Variants in NAA35 observed in about 807,000 individuals in gnomAD.
NAA35 encodes the protein MAK10 homolog, amino-acid N-acetyltransferase subunit.
Under a neutral mutation model 101.7 loss-of-function variants are expected in NAA35, and 18 were observed. The observed-to-expected ratio is 0.18, with a 90% CI of 0.12 to 0.26. The LOEUF is 0.26. NAA35 is among the 10% of genes least tolerant of loss of function. The pLI is 1.00. For synonymous variants in NAA35, 267 were observed against 273.1 expected, an observed-to-expected ratio of 0.98 and a Z score of 0.22; for missense variants, 601 against 886.8, an observed-to-expected ratio of 0.68 and a Z score of 4.09.
chr9:85,984,018 T>C (rs1022878242), intron 11 of NAA35, among the ~76,000 whole-genome samples: 19 of 101,916 alleles, frequency 1.9e-4, no homozygotes, highest in South Asian at 1.7e-3. Context: ...GATCAGAAAA[T>C]AGAAGCAAAA....
Position 85,978,316 on chromosome 9 carries a change from T to C in NAA35, c.812T>C (p.Leu271Pro). The C allele has an allele frequency of 6.2e-7, 1 of 1,613,504 alleles. No homozygotes were observed. Among genetic ancestry groups the C allele is most frequent in the Non-Finnish European group, 8.5e-7 (1 of 1,179,552 alleles). Reference sequence around the variant, plus strand: ...AAATTGATGGTTCAAGCAGCAGATCTTCTTTCTGCCATTCATAATTCATTG... The same window carrying C: ...AAATTGATGGTTCAAGCAGCAGATCCTCTTTCTGCCATTCATAATTCATTG... Reference protein sequence around the residue: ...AQKLMVQAADLLSAIHNSLHH... With the variant: ...AQKLMVQAADPLSAIHNSLHH... The change falls in exon 11 of 23, where the codon CTT (leucine) becomes CCT (proline). Residue 271 changes from leucine (L) to proline (P), a missense_variant. Leu to Pro is a moderately conservative substitution (Grantham distance 98, BLOSUM62 -3). Coordinates refer to ENST00000361671, the MANE Select transcript of NAA35 (RefSeq NM_024635.4).
chr9:85,957,572 C>T (rs980504996), intron 3 of NAA35, among the ~76,000 whole-genome samples: 4 of 152,108 alleles, frequency 2.6e-5, no homozygotes, highest in East Asian at 1.9e-4. Context: ...CCAACACTGC[C>T]GCATTGGGGA....
chr9:85,973,964 A>G (rs566652033), intron 6 of NAA35, among the ~76,000 whole-genome samples: 1 of 146,918 alleles, frequency 6.8e-6, no homozygotes, highest in Non-Finnish European at 1.5e-5. Context: ...TTCTATCTAC[A>G]TTTTTTTTTT....
At chr9:85,946,688 T>C (rs940383660) in intron 2 of NAA35, among the ~76,000 whole-genome samples, 1 of 151,990 alleles carries the variant, frequency 6.6e-6, no homozygotes, top group Non-Finnish European at 1.5e-5. Context: ...TTTGCGATTT[T>C]TTTTTTTTAA....
At chr9:85,941,615 G>A (rs1462780545) in intron 1 of NAA35, 1 of 985,828 alleles carries the variant, frequency 1.0e-6, no homozygotes, top group African/African-American at 1.7e-5. Context: ...GGTGTGCCTC[G>A]GCCCTAGGCC....
At chr9:85,985,189 G>A (rs1446177331) in intron 11 of NAA35, among the ~76,000 whole-genome samples, 2 of 152,170 alleles carry the variant, frequency 1.3e-5, no homozygotes, top group Non-Finnish European at 2.9e-5. Context: ...CCCTAATACA[G>A]TACTGATTGG....
rs968640776 is a variant in NAA35, at chr9:86,016,756, T to C, written c.1705+81T>C. On this transcript the variant is annotated intron_variant, in intron 18 of 22. Coordinates refer to ENST00000361671, the MANE Select transcript of NAA35 (RefSeq NM_024635.4). Reference sequence around the variant, plus strand: ...AAATAGATGGAGAGCTACTCGTGAGTTGGTCATTATATTTTAGTTCTTGTT... The same window carrying C: ...AAATAGATGGAGAGCTACTCGTGAGCTGGTCATTATATTTTAGTTCTTGTT... 2.1e-5 allele frequency: 30 copies of C among 1,415,770 alleles called. No homozygotes were observed. In the Admixed American group the frequency reaches 5.3e-4, roughly 25 times the overall value. 87.7% of individuals were successfully genotyped at this position (1,415,770 alleles called of 1,614,324 possible).
chr9:86,017,450 G>A lies in NAA35; in HGVS notation c.1706-48G>A, dbSNP rs375144305. On this transcript the variant is annotated intron_variant, in intron 18 of 22. Coordinates refer to ENST00000361671, the MANE Select transcript of NAA35 (RefSeq NM_024635.4). ...ATTTTCTTTTGCAGTAATGCAAGAG[G>A]GAGGAGGAAAAGATTATGGAAGATT... 98 of 1,550,290 alleles carry A rather than the reference G, an allele frequency of 6.3e-5. No homozygotes were observed. In the African/African-American group the frequency reaches 1.1e-3, roughly 17 times the overall value.
chr9:85,959,742 A>G (rs746010493), intron 4 of NAA35, 51 bp from the exon 5 acceptor site: 29 of 1,331,704 alleles, frequency 2.2e-5, no homozygotes, highest in Non-Finnish European at 3.0e-5. Flanking sequence ...CATAGTAACC[A>G]TAAGTTTAAA....
intron 20 of NAA35, 39 bp downstream of exon 20, chr9:86,018,434 C>A (rs879091022): frequency 1.9e-6 from 3 of 1,581,390 alleles, no homozygotes; most frequent in South Asian, 2.3e-5. Context: ...AATCTTTAGT[C>A]TTAGACCTTC....
intron 11 of NAA35, among the ~76,000 whole-genome samples, chr9:85,995,195 C>T (rs1831103023): frequency 6.6e-6 from 1 of 151,554 alleles, no homozygotes; most frequent in Admixed American, 6.6e-5. Flanking sequence ...TAAGAGAGTG[C>T]TAGTTGAAGG....
chr9:86,021,599 C>T (rs139339689), intron 22 of NAA35, among the ~76,000 whole-genome samples: 2 of 152,116 alleles, frequency 1.3e-5, no homozygotes, highest in African/African-American at 2.4e-5. Flanking sequence ...TGTGCTGACC[C>T]CTGATCTAAC....
intron 6 of NAA35, among the ~76,000 whole-genome samples, chr9:85,973,516 T>G (rs182328494): frequency 6.4e-4 from 98 of 152,254 alleles, no homozygotes; most frequent in African/African-American, 2.3e-3. Context: ...GAGCCTACAG[T>G]GTTTTCTGGT....
At chr9:86,021,039 G>C in intron 22 of NAA35, 70 bp downstream of exon 22, 3 of 1,129,150 alleles carry the variant, frequency 2.7e-6, no homozygotes. Flanking sequence ...GCAATAAGAT[G>C]TGTAAATATT....
intron 11 of NAA35, among the ~76,000 whole-genome samples, chr9:85,996,141 T>C (rs1831145767): frequency 6.6e-6 from 1 of 152,128 alleles, no homozygotes; most frequent in Non-Finnish European, 1.5e-5. Flanking sequence ...CATTTTGACA[T>C]AGAAACTCCC....
chr9:86,004,482 A>T (rs1831547188), intron 13 of NAA35, among the ~76,000 whole-genome samples: 1 of 152,200 alleles, frequency 6.6e-6, no homozygotes, highest in African/African-American at 2.4e-5. Flanking sequence ...CCTGTCAAAA[A>T]AAAAAAGTCT....
rs567854636 is a variant in NAA35 at position 86,006,089 on chromosome 9, G to A, written c.1117-1269G>A. Among the ~76,000 whole-genome samples, 5 of 151,996 alleles carry A rather than the reference G, an allele frequency of 3.3e-5. No homozygotes were observed. In the East Asian group the frequency reaches 9.7e-4, roughly 29 times the overall value. On this transcript the variant is annotated intron_variant, in intron 13 of 22. Coordinates refer to ENST00000361671, the MANE Select transcript of NAA35 (RefSeq NM_024635.4). ...GGGAGGCTGAGGCAGAGAATTGCTT[G>A]AAGCTAGGAGGCAGAGGTTGCAGTA...
chr9:86,015,367 T>C (rs1832157174), intron 17 of NAA35, among the ~76,000 whole-genome samples: 1 of 152,196 alleles, frequency 6.6e-6, no homozygotes, highest in South Asian at 2.1e-4. Flanking sequence ...AAATTACAGA[T>C]TGGGCTCCTG....
chr9:86,004,125 T>G (rs1273082714), intron 13 of NAA35, among the ~76,000 whole-genome samples: 2 of 152,148 alleles, frequency 1.3e-5, no homozygotes, highest in African/African-American at 2.4e-5. Context: ...GTTTTTGTTT[T>G]GAGATAATCT....
Sources: allele counts gnomAD v4.1 joint callset (sites outside exome capture counted in the v4.1 genomes callset), GRCh38; gene constraint gnomAD v4.1.1; transcripts MANE v1.5; gene names NCBI Gene and HGNC (gene_info 2026-07-23, HGNC 2026-07-21).